The following ALG11 variants were observed in gnomAD, a reference collection of about 807,000 sequenced individuals.
ALG11 encodes GDP-Man:Man(3)GlcNAc(2)-PP-Dol alpha-1,2-mannosyltransferase.
In ALG11, 26 loss-of-function variants were observed where a neutral mutation model predicts 38.8. The observed-to-expected ratio is 0.67, with a 90% confidence interval of 0.49 to 0.93. The LOEUF (loss-of-function observed/expected upper bound fraction) is 0.93, where lower values mean the gene tolerates loss of function less well. Among genes scored for constraint, ALG11 ranks in the 40% least tolerant of loss-of-function variants. The pLI, the probability that ALG11 is intolerant of heterozygous loss-of-function variation, is 0.00. For missense variants in ALG11, 535 were observed against 578.8 expected, an observed-to-expected ratio of 0.92 and a Z score of 0.78; for synonymous variants, 199 against 211.6, an observed-to-expected ratio of 0.94 and a Z score of 0.52.
chr13:52,018,726 T>C lies in ALG11; in HGVS notation c.45-187T>C, dbSNP rs1223463004. Among the ~76,000 whole-genome samples the C allele has an allele frequency of 1.3e-5, 2 of 152,244 alleles. 1 individual carries two copies. The highest frequency in any genetic ancestry group is 4.1e-4 in the South Asian group (2 of 4,834). On this transcript the variant is annotated intron_variant, in intron 1 of 3. Transcript: ENST00000521508. ...AGGAATTGGAACTAAAGGGGACTTA[T>C]CCTTTCAATGTTGGATATTTAGCAG...
chr13:52,017,653 G>C (rs991254252), intron 1 of ALG11: 4 of 162,312 alleles, frequency 2.5e-5, no homozygotes, highest in African/African-American at 9.6e-5. Flanking sequence ...ACCTCCTGCC[G>C]TGATTCTGAG....
In ALG11 at chr13:52,029,567, G is replaced by T; in HGVS notation, c.*977G>T. On this transcript the variant is annotated 3_prime_UTR_variant, in exon 4 of 4. Transcript: ENST00000521508. Reference sequence around the variant, plus strand: ...CAAAAGTAAAAAGTATCACAAAGTCGTGAAGAAAGGAAAGGCCAAGAAAGC... The same window carrying T: ...CAAAAGTAAAAAGTATCACAAAGTCTTGAAGAAAGGAAAGGCCAAGAAAGC... 6 of 1,614,200 alleles carry T rather than the reference G, an allele frequency of 3.7e-6. No homozygotes were observed. Among genetic ancestry groups the T allele is most frequent in the Non-Finnish European group, 5.1e-6 (6 of 1,180,050 alleles).
Position 52,012,437 on chromosome 13 carries a change from A to C in ALG11, c.19A>C (p.Ser7Arg). The C allele has an allele frequency of 6.2e-7, 1 of 1,614,014 alleles. No homozygotes were observed. The highest frequency in any genetic ancestry group is 1.1e-5 in the South Asian group (1 of 90,998). ...GCGGAAGATGGCGGCCGGCGAAAGG[A>C]GCTGGTGCCTGTGCAAGTTGTTGAG... MAAGERSWCLCKLLRFF... is the reference protein window; with the variant it reads MAAGERRWCLCKLLRFF... Residue 7 changes from serine to arginine, a missense_variant, in exon 1 of 4, where the codon AGC (serine) becomes CGC (arginine). Physicochemically the swap from Ser to Arg is moderately radical, Grantham distance 110. Coordinates refer to ENST00000521508, the MANE Select transcript of ALG11 (RefSeq NM_001004127.3).
At chr13:52,028,177 T>A in intron 3 of ALG11, 142 bp from the exon 4 acceptor site, 1 of 938,920 alleles carries the variant, frequency 1.1e-6, no homozygotes, top group South Asian at 1.6e-5. Context: ...ACTGTAGAAG[T>A]TGAATAAGCA....
intron 1 of ALG11, among the ~76,000 whole-genome samples, chr13:52,014,236 T>C (rs1269671139): frequency 6.6e-6 from 1 of 152,234 alleles, no homozygotes; most frequent in Non-Finnish European, 1.5e-5. Context: ...CTATCTGGTT[T>C]CACGTTAAGC....
rs1381031496 is a variant in ALG11, at chr13:52,029,152, GTTACCTC to G, written c.*566_*572del. On this transcript the variant is annotated 3_prime_UTR_variant, in exon 4 of 4. Transcript: ENST00000521508. ...GAGTCAAATCAAAGAAGGTGGTGGAGTTACCTCTTAACAAAGAAAAAATTGAACAGAT... is the reference window on the plus strand; with the variant it reads ...GAGTCAAATCAAAGAAGGTGGTGGAGTTAACAAAGAAAAAATTGAACAGAT... The G allele has an allele frequency of 6.8e-6, 11 of 1,614,204 alleles. No homozygotes were observed. The highest frequency in any genetic ancestry group is 8.5e-6 in the Non-Finnish European group (10 of 1,180,040).
chr13:52,031,521 G>T lies in ALG11; in HGVS notation c.*2931G>T. The stretch of plus-strand genomic sequence containing the variant: ...TCCATACTAGGTACTGGTGAAAATT[G>T]TTTTTGTTTATGCTGTCAGCACATT... On this transcript the variant is annotated 3_prime_UTR_variant, in exon 4 of 4. Coordinates refer to ENST00000521508, the MANE Select transcript of ALG11 (RefSeq NM_001004127.3). 5.4e-6 allele frequency: 1 copy of T among 184,192 alleles called. No homozygotes were observed. Among genetic ancestry groups the T allele is most frequent in the Admixed American group, 5.6e-5 (1 of 17,988 alleles). 11.4% of individuals were successfully genotyped at this position (184,192 alleles called of 1,614,324 possible). A position where few individuals can be genotyped will look rare whatever the true frequency, so the allele number is the denominator to read the frequency against.
chr13:52,029,629 A>G lies in ALG11; in HGVS notation c.*1039A>G. On this transcript the variant is annotated 3_prime_UTR_variant, in exon 4 of 4. Coordinates refer to ENST00000521508, the MANE Select transcript of ALG11 (RefSeq NM_001004127.3). ...TTGAGCAGCTACAGAAGGTTAATCC[A>G]ACTGTGGCACTGGAAGAAATGGAAA... 6.2e-7 allele frequency: 1 copy of G among 1,614,264 alleles called. No homozygotes were observed. Among genetic ancestry groups the G allele is most frequent in the Non-Finnish European group, 8.5e-7 (1 of 1,180,046 alleles).
intron 1 of ALG11, among the ~76,000 whole-genome samples, chr13:52,012,901 C>G (rs1340189743): frequency 1.3e-5 from 2 of 152,150 alleles, no homozygotes; most frequent in Non-Finnish European, 2.9e-5. Context: ...CCAAAACTGC[C>G]ATTGTTAACA....
At chr13:52,023,001 A>T (rs918762917) in intron 2 of ALG11, 1 of 152,274 alleles carries the variant, frequency 6.6e-6, no homozygotes, top group Non-Finnish European at 1.5e-5. Context: ...TTATAAACAG[A>T]GGGAGACCAA....
At chr13:52,018,247 GAGAACCTTTTAAC>G (rs991614621) in intron 1 of ALG11, among the ~76,000 whole-genome samples, 3 of 152,200 alleles carry the variant, frequency 2.0e-5, no homozygotes, top group Non-Finnish European at 4.4e-5. Context: ...GACAGCAATG[GAGAACCTTTTAAC>G]AGTCACTTTG....
chr13:52,028,306 T>C lies in ALG11; in HGVS notation c.1208-13T>C. ...AACTTAAAAGATTACATGATTTGTGTTTTTTTTCTCAGGAGTTGTGGAGTG... is the reference window on the plus strand; with the variant it reads ...AACTTAAAAGATTACATGATTTGTGCTTTTTTTCTCAGGAGTTGTGGAGTG... On this transcript the variant is annotated splice_polypyrimidine_tract_variant and intron_variant, in intron 3 of 3. Coordinates refer to ENST00000521508, the MANE Select transcript of ALG11 (RefSeq NM_001004127.3). 1 of 1,613,822 alleles carries C rather than the reference T, an allele frequency of 6.2e-7. No homozygotes were observed. Among genetic ancestry groups the C allele is most frequent in the Admixed American group, 1.7e-5 (1 of 59,984 alleles).
chr13:52,031,344 T>C lies in ALG11; in HGVS notation c.*2754T>C. The stretch of plus-strand genomic sequence containing the variant: ...TTCTAAACAATACAGTGGATGACCC[T>C]TTTGAATATACCTAATGATTTCCTT... On this transcript the variant is annotated 3_prime_UTR_variant, in exon 4 of 4. Transcript: ENST00000521508. 1.8e-6 allele frequency: 1 copy of C among 564,788 alleles called. No individual in the cohort carries two copies. Among genetic ancestry groups the C allele is most frequent in the Non-Finnish European group, 3.0e-6 (1 of 329,654 alleles). The allele number at this position is 564,788 out of a possible 1,614,324, so 35.0% of individuals were successfully genotyped here.
At chr13:52,012,589 C>A in intron 1 of ALG11, 127 bp downstream of exon 1, 2 of 1,277,672 alleles carry the variant, frequency 1.6e-6, no homozygotes, top group Non-Finnish European at 2.2e-6. Context: ...TTTCTCAGGC[C>A]AATGAGCAGT....
Position 52,031,286 on chromosome 13 carries a change from A to G in ALG11, c.*2696A>G, listed in dbSNP as rs1246059456. ...ACTAGCATTTTAGAATTGATCAGAC[A>G]TTAGAACACAGAAAAATTCTAGTAC... On this transcript the variant is annotated 3_prime_UTR_variant, in exon 4 of 4. Transcript: ENST00000521508. The G allele has an allele frequency of 3.3e-6, 3 of 914,840 alleles. No homozygotes were observed. Among genetic ancestry groups the G allele is most frequent in the South Asian group, 2.2e-5 (1 of 45,796 alleles). 56.7% of individuals were successfully genotyped at this position (914,840 alleles called of 1,614,324 possible). A position where few individuals can be genotyped will look rare whatever the true frequency, so the allele number is the denominator to read the frequency against.
Position 52,029,321 on chromosome 13 carries a change from G to T in ALG11, c.*731G>T, listed in dbSNP as rs1396215710. On this transcript the variant is annotated 3_prime_UTR_variant, in exon 4 of 4. Transcript: ENST00000521508. ...GCCAGCCATTGCTCCCATTGAACAT[G>T]CGCTCAGTGGCTGGAAGGCAAGAAC... 1.2e-6 allele frequency: 2 copies of T among 1,614,116 alleles called. No homozygotes were observed. Among genetic ancestry groups the T allele is most frequent in the South Asian group, 2.2e-5 (2 of 91,080 alleles).
chr13:52,023,835 C>T (rs1954209808), intron 2 of ALG11, 171 bp from the exon 3 acceptor site: 3 of 375,208 alleles, frequency 8.0e-6, no homozygotes, highest in Non-Finnish European at 1.4e-5. Flanking sequence ...CACTCTGTCA[C>T]CCAGGCTGGA....
Position 52,030,981 on chromosome 13 carries a change from A to T in ALG11, c.*2391A>T. On this transcript the variant is annotated 3_prime_UTR_variant, in exon 4 of 4. Transcript: ENST00000521508. The stretch of plus-strand genomic sequence containing the variant: ...CCCAAGGTCGTCACCAAGCCAGGCC[A>T]TATCATTAAGCCCATAAAAGCAGAG... 1.2e-5 allele frequency: 19 copies of T among 1,614,162 alleles called. No individual in the cohort carries two copies. The highest frequency in any genetic ancestry group is 1.5e-5 in the Non-Finnish European group (18 of 1,180,016).
chr13:52,020,246 A>G (rs956620402), intron 2 of ALG11, among the ~76,000 whole-genome samples: 1 of 152,166 alleles, frequency 6.6e-6, no homozygotes, highest in Non-Finnish European at 1.5e-5. Context: ...AGGCTTCGTC[A>G]TCACCACCCC....
Sources: gnomAD v4.1 joint callset for allele counts (sites outside exome capture counted in the v4.1 genomes callset) on GRCh38, gnomAD v4.1.1 for gene constraint, MANE v1.5 for transcripts, NCBI Gene and HGNC (gene_info 2026-07-23, HGNC 2026-07-21) for gene names.